RXRA: variants seen among roughly 807,000 people sequenced by gnomAD.
The protein encoded by RXRA is retinoid X receptor alpha.
In RXRA, 5 loss-of-function variants were observed where a neutral mutation model predicts 44.5. The ratio of observed to expected loss-of-function variants is 0.11; its 90% CI spans 0.06 to 0.24. RXRA has a LOEUF of 0.24. Among genes scored for constraint, RXRA ranks in the 10% least tolerant of loss-of-function variants. The pLI, the probability that RXRA is intolerant of heterozygous loss-of-function variation, is 1.00. For missense variants in RXRA, 412 were observed against 646.5 expected (o/e 0.64, Z 3.93); for synonymous variants, 291 against 271.4 (o/e 1.07, Z -0.71).
intron 1 of RXRA, among the ~76,000 whole-genome samples, chr9:134,395,672 G>C (rs944975293): frequency 2.0e-5 from 3 of 152,212 alleles, no homozygotes; most frequent in African/African-American, 4.8e-5. Context: ...TGGCCGAGGT[G>C]GGGGGCTGGA....
chr9:134,422,695 G>A (rs1831368472), intron 6 of RXRA: 1 of 985,272 alleles, frequency 1.0e-6, no homozygotes, highest in African/African-American at 1.7e-5. Context: ...CCCCCGTCCT[G>A]GGACCTCCTA....
At chr9:134,360,013 G>T (rs545062977) in intron 1 of RXRA, among the ~76,000 whole-genome samples, 1 of 152,334 alleles carries the variant, frequency 6.6e-6, no homozygotes, top group African/African-American at 2.4e-5. Flanking sequence ...GTGTAGGACC[G>T]GGCGGGGAAT....
At chr9:134,424,068 C>T (rs985214850) in intron 6 of RXRA, 37 of 985,310 alleles carry the variant, frequency 3.8e-5, no homozygotes, top group Non-Finnish European at 4.5e-5. Context: ...GCTCCAGCCT[C>T]AGCCTGTGTG....
At chr9:134,422,479 G>GGGACACTCCCCCCTCCCA in intron 6 of RXRA, 2 of 1,225,126 alleles carry the variant, frequency 1.6e-6, no homozygotes, top group Non-Finnish European at 2.1e-6. Context: ...CCCTGCTACC[G>GGGACACTCCCCCCTCCCA]GGACACTCCC....
Position 134,421,820 on chromosome 9 carries a change from C to G in RXRA, c.910+15C>G. ...GCTGCGGGCAGGTGAGTGGCGAGGC[C>G]TAGGTGGGGATGGGGATGCCATGCA... On this transcript the variant is annotated intron_variant, in intron 6 of 9. Coordinates refer to ENST00000481739, the MANE Select transcript of RXRA (RefSeq NM_002957.6). 1 of 1,612,462 alleles carries G rather than the reference C, an allele frequency of 6.2e-7. No homozygotes were observed. The highest frequency in any genetic ancestry group is 1.7e-5 in the Admixed American group (1 of 59,938).
intron 1 of RXRA, among the ~76,000 whole-genome samples, chr9:134,340,778 C>CA (rs1830076777): frequency 6.6e-6 from 1 of 152,202 alleles, no homozygotes; most frequent in South Asian, 2.1e-4. Context: ...TGGGGTGTCT[C>CA]AGCTCCGGGA....
In RXRA at chr9:134,365,319, C is replaced by T. The variant is rs78077736; in HGVS notation, c.29-36313C>T. 0.074 allele frequency among the ~76,000 whole-genome samples: 11,213 copies of T among 152,266 alleles called. 571 individuals carry two copies. Among genetic ancestry groups the T allele is most frequent in the African/African-American group, 0.14 (5,874 of 41,540 alleles). On this transcript the variant is annotated intron_variant, in intron 1 of 9. Coordinates refer to ENST00000481739, the MANE Select transcript of RXRA (RefSeq NM_002957.6). The surrounding 1 kb of genome is among the most constrained non-coding windows in gnomAD (Gnocchi z 4.0). ...GCCCTCGCCCCTCGTGGTGGGGCAG[C>T]GCGTCCCTGGGTGAGTGACCAGGCG...
intron 5 of RXRA, 124 bp from the exon 6 acceptor site, chr9:134,421,552 T>C: frequency 8.8e-7 from 1 of 1,138,444 alleles, no homozygotes; most frequent in East Asian, 2.4e-5. Context: ...GGCCTGGGCA[T>C]CTTTGGGGGC....
intron 1 of RXRA, among the ~76,000 whole-genome samples, chr9:134,352,038 G>A (rs1554749550): frequency 2.6e-5 from 4 of 152,214 alleles, no homozygotes. Context: ...GAGCCAGAGG[G>A]CGGCTCGGGG....
chr9:134,409,186 G>A (rs1161011981), intron 4 of RXRA, 67 bp downstream of exon 4: 3 of 1,412,314 alleles, frequency 2.1e-6, no homozygotes, highest in East Asian at 2.5e-5. Context: ...GGGCTTGTGC[G>A]TGGACACCCG....
intron 3 of RXRA, 49 bp from the exon 4 acceptor site, chr9:134,408,891 C>T: frequency 7.0e-7 from 1 of 1,436,310 alleles, no homozygotes; most frequent in Non-Finnish European, 9.2e-7. Flanking sequence ...GGTGGGCTCC[C>T]TGCCGGGGCG....
chr9:134,385,962 C>T (rs1002826562), intron 1 of RXRA, among the ~76,000 whole-genome samples: 20 of 152,364 alleles, frequency 1.3e-4, no homozygotes, highest in Admixed American at 7.2e-4. Flanking sequence ...GCGGGTGTGA[C>T]GGTCGTGTCT....
rs986429673 is a variant in RXRA at position 134,426,640 on chromosome 9, C to T, written c.911-2468C>T. The T allele has an allele frequency of 5.1e-6, 5 of 985,314 alleles. No homozygotes were observed. The highest frequency in any genetic ancestry group is 6.0e-6 in the Non-Finnish European group (5 of 829,940). 61.0% of individuals were successfully genotyped at this position (985,314 alleles called of 1,614,324 possible). A position where few individuals can be genotyped will look rare whatever the true frequency, so the allele number is the denominator to read the frequency against. On this transcript the variant is annotated intron_variant, in intron 6 of 9. Coordinates refer to ENST00000481739, the MANE Select transcript of RXRA (RefSeq NM_002957.6). The surrounding 1 kb of genome is among the most constrained non-coding windows in gnomAD (Gnocchi z 4.6). ...CACTAGGCCCCTCTGCTGGGCACAC[C>T]AGAGTTTCAGAGGCGAGTCTACCCT...
chr9:134,339,538 C>CGT (rs782663485), intron 1 of RXRA, among the ~76,000 whole-genome samples: 1 of 127,142 alleles, frequency 7.9e-6, no homozygotes, highest in Admixed American at 7.8e-5. Context: ...TGTGTGAGCC[C>CGT]GTGTGTGTGT....
chr9:134,375,273 C>T (rs1370683977), intron 1 of RXRA, among the ~76,000 whole-genome samples: 2 of 152,130 alleles, frequency 1.3e-5, no homozygotes, highest in East Asian at 1.9e-4. Context: ...CGGGCCAGAG[C>T]GCGTGTCACT....
In RXRA at chr9:134,330,734, G is replaced by A. The variant is rs141770411; in HGVS notation, c.28+4075G>A. On this transcript the variant is annotated intron_variant, in intron 1 of 9. Transcript: ENST00000481739. Reference sequence around the variant, plus strand: ...GACAGGTGGTGTCCCATTGCTGGGCGGGTGGTCAGGCCACCTGGGGTTGGG... The same window carrying A: ...GACAGGTGGTGTCCCATTGCTGGGCAGGTGGTCAGGCCACCTGGGGTTGGG... Among the ~76,000 whole-genome samples, 1,261 of 152,320 alleles carry A rather than the reference G, an allele frequency of 8.3e-3. 12 individuals are homozygous for A. Among genetic ancestry groups the A allele is most frequent in the Non-Finnish European group, 0.014 (932 of 68,016 alleles).
rs541473061 is a variant in RXRA, at chr9:134,362,332, C to G, written c.28+35673C>G. 2.0e-5 allele frequency among the ~76,000 whole-genome samples: 3 copies of G among 152,328 alleles called. No homozygotes were observed. In the East Asian group the frequency reaches 5.8e-4, roughly 29 times the overall value. On this transcript the variant is annotated intron_variant, in intron 1 of 9. Coordinates refer to ENST00000481739, the MANE Select transcript of RXRA (RefSeq NM_002957.6). ...TCCTTCGAAGACTCTTGCTCATCCC[C>G]CAAGTCCCATCTCTCCCTGGGGTGG...
In RXRA at chr9:134,327,504, T is replaced by G. The variant is rs368656229; in HGVS notation, c.28+845T>G. Reference sequence around the variant, plus strand: ...TGGAAGCTAGTGAGAAGGGGGAGACTTTATAAATTAGCTCCGGGAAGGATA... The same window carrying G: ...TGGAAGCTAGTGAGAAGGGGGAGACGTTATAAATTAGCTCCGGGAAGGATA... On this transcript the variant is annotated intron_variant, in intron 1 of 9. Coordinates refer to ENST00000481739, the MANE Select transcript of RXRA (RefSeq NM_002957.6). Among the ~76,000 whole-genome samples the G allele has an allele frequency of 1.4e-4, 21 of 152,204 alleles. No individual in the cohort carries two copies. The East Asian group carries it at 3.9e-3, about 28-fold the overall frequency.
chr9:134,385,646 G>T (rs778800549), intron 1 of RXRA, among the ~76,000 whole-genome samples: 6 of 152,250 alleles, frequency 3.9e-5, no homozygotes, highest in Non-Finnish European at 8.8e-5. Context: ...CGCGAGCGGT[G>T]GTGGCCCCCG....
Sources: gnomAD v4.1 joint callset for allele counts (sites outside exome capture counted in the v4.1 genomes callset) on GRCh38, gnomAD v4.1.1 for gene constraint, Gnocchi (gnomAD v3.1) non-coding constraint, MANE v1.5 for transcripts, NCBI Gene and HGNC (gene_info 2026-07-23, HGNC 2026-07-21) for gene names.